RHPN2: variants seen among roughly 807,000 people sequenced by gnomAD.
RHPN2 encodes the protein rhophilin-2.
A neutral mutation model predicts 79.0 loss-of-function variants in RHPN2; 40 were observed. That is an observed-to-expected ratio of 0.51 (90% CI 0.39 to 0.66). RHPN2 has a LOEUF of 0.66. Ranked by LOEUF, RHPN2 falls within the 30% of genes least tolerant of loss-of-function variation. The pLI, the probability that RHPN2 is intolerant of heterozygous loss-of-function variation, is 0.00. For missense variants in RHPN2, 686 were observed against 883.5 expected, an observed-to-expected ratio of 0.78 and a Z score of 2.83; for synonymous variants, 285 against 363.5, an observed-to-expected ratio of 0.78 and a Z score of 2.46.
intron 9 of RHPN2, among the ~76,000 whole-genome samples, chr19:33,000,221 ATTTTT>A (rs11335915): frequency 1.5e-5 from 2 of 130,424 alleles, no homozygotes; most frequent in African/African-American, 2.9e-5. Context: ...GAGGTTCATA[ATTTTT>A]TTTTTTTTTT....
intron 1 of RHPN2, among the ~76,000 whole-genome samples, chr19:33,054,668 A>G (rs1599836760): frequency 4.6e-5 from 7 of 152,150 alleles, no homozygotes; most frequent in Admixed American, 4.6e-4. Context: ...TCTGCCAGAC[A>G]CCCAGCCTCT....
In RHPN2 at chr19:33,012,670, CA is replaced by C; in HGVS notation, c.444del (p.Ile148MetfsTer7). On this transcript the variant is annotated frameshift_variant, in exon 5 of 15. Coordinates refer to ENST00000254260, the MANE Select transcript of RHPN2 (RefSeq NM_033103.5). LOFTEE classifies it high-confidence loss of function. ...SEDGYLYEDE[I>X]ADLMDLRQAC... ...ACTTGTCTCAGATCCATAAGATCTG[CA>C]ATTTCATCTTCATATAAATAGCCAT... The C allele has an allele frequency of 6.2e-7, 1 of 1,608,396 alleles. No individual in the cohort carries two copies. The highest frequency in any genetic ancestry group is 8.5e-7 in the Non-Finnish European group (1 of 1,174,790).
intron 4 of RHPN2, among the ~76,000 whole-genome samples, chr19:33,018,776 G>A (rs189284296): frequency 1.3e-5 from 2 of 152,178 alleles, no homozygotes; most frequent in African/African-American, 4.8e-5. Flanking sequence ...CGGGAGCGGC[G>A]GCTCACACCT....
At chr19:33,016,554 G>A (rs1971879595) in intron 4 of RHPN2, among the ~76,000 whole-genome samples, 2 of 152,138 alleles carry the variant, frequency 1.3e-5, no homozygotes, top group Non-Finnish European at 1.5e-5. Context: ...GGTGGTGGGT[G>A]CCTGTAATCC....
At chr19:33,064,755 T>TGGGGGGGGCCCCCCC in intron 1 of RHPN2, 29 bp downstream of exon 1, 1 of 1,427,948 alleles carries the variant, frequency 7.0e-7, no homozygotes, top group Non-Finnish European at 9.4e-7. Flanking sequence ...AGCCCGCAGG[T>TGGGGGGGGCCCCCCC]CCCCGCCCGC....
At chr19:33,000,221 ATTT>A (rs11335915) in intron 9 of RHPN2, among the ~76,000 whole-genome samples, 17 of 130,414 alleles carry the variant, frequency 1.3e-4, no homozygotes, top group Admixed American at 1.5e-4. Context: ...GAGGTTCATA[ATTT>A]TTTTTTTTTT....
chr19:33,019,626 C>T lies in RHPN2; in HGVS notation c.390+1945G>A, dbSNP rs151023428. Among the ~76,000 whole-genome samples, 473 of 150,550 alleles carry T rather than the reference C, an allele frequency of 3.1e-3. 1 individual carries two copies. Among genetic ancestry groups the T allele is most frequent in the African/African-American group, 0.011 (435 of 40,952 alleles). On this transcript the variant is annotated intron_variant, in intron 4 of 14. Coordinates refer to ENST00000254260, the MANE Select transcript of RHPN2 (RefSeq NM_033103.5). ...GAAAAATGCAACAATTAGCCAGGCA[C>T]GGTGGCACACGCCTATAGTACCAGC... is the stretch of plus-strand genomic sequence containing the variant.
chr19:33,004,537 T>C (rs1220471339), intron 7 of RHPN2, among the ~76,000 whole-genome samples: 1 of 152,138 alleles, frequency 6.6e-6, no homozygotes, highest in Non-Finnish European at 1.5e-5. Context: ...TGTGTTATTT[T>C]ACTATAATAA....
At chr19:32,992,420 A>G (rs966732727) in intron 12 of RHPN2, among the ~76,000 whole-genome samples, 5 of 151,640 alleles carry the variant, frequency 3.3e-5, no homozygotes, top group Non-Finnish European at 7.4e-5. Context: ...CAAACTCCTG[A>G]CCTCAGGTGA....
chr19:33,045,018 C>T (rs1326804397), intron 1 of RHPN2, among the ~76,000 whole-genome samples: 1 of 152,010 alleles, frequency 6.6e-6, no homozygotes, highest in Non-Finnish European at 1.5e-5. Context: ...ACCCTTGTGA[C>T]CGCTTTCCCC....
intron 1 of RHPN2, among the ~76,000 whole-genome samples, chr19:33,045,694 G>A (rs1972137134): frequency 6.6e-6 from 1 of 152,034 alleles, no homozygotes; most frequent in Admixed American, 6.6e-5. Flanking sequence ...GGCTGGTCCT[G>A]AACTCCTAAC....
intron 10 of RHPN2, among the ~76,000 whole-genome samples, chr19:32,998,460 TAGTG>T (rs371825122): frequency 3.0e-4 from 45 of 151,948 alleles, no homozygotes; most frequent in African/African-American, 1.1e-3. Flanking sequence ...CTGGGCAACA[TAGTG>T]AGACCGCATC....
At chr19:32,994,238 A>C (rs1275022280) in intron 11 of RHPN2, among the ~76,000 whole-genome samples, 185 bp from the exon 12 acceptor site, 2 of 152,048 alleles carry the variant, frequency 1.3e-5, no homozygotes, top group Non-Finnish European at 2.9e-5. Flanking sequence ...TCTATTAAAA[A>C]TACAAAAATT....
At chr19:33,043,982 T>C (rs1283533161) in intron 2 of RHPN2, among the ~76,000 whole-genome samples, 3 of 152,050 alleles carry the variant, frequency 2.0e-5, no homozygotes, top group African/African-American at 7.2e-5. Context: ...GAGACAAAAA[T>C]TGGGCTTCCC....
In RHPN2 at chr19:32,997,301, G is replaced by A. The variant is rs1431616256; in HGVS notation, c.1226-1081C>T. 5.9e-5 allele frequency among the ~76,000 whole-genome samples: 9 copies of A among 152,298 alleles called. No homozygotes were observed. The East Asian group carries it at 1.2e-3, about 20-fold the overall frequency. ...TGCTGGGCACTAGAGATAAAGCAAC[G>A]AGTAAACAAACTGCCCCCACATTCA... is the stretch of plus-strand genomic sequence containing the variant. On this transcript the variant is annotated intron_variant, in intron 10 of 14. Coordinates refer to ENST00000254260, the MANE Select transcript of RHPN2 (RefSeq NM_033103.5).
chr19:32,983,462 G>C (rs2145997703), intron 14 of RHPN2, among the ~76,000 whole-genome samples: 1 of 151,374 alleles, frequency 6.6e-6, no homozygotes, highest in East Asian at 2.0e-4. Flanking sequence ...AGTGAGCTGA[G>C]ATAGCGCCAC....
At chr19:33,013,532 G>A (rs1971854031) in intron 4 of RHPN2, among the ~76,000 whole-genome samples, 1 of 152,076 alleles carries the variant, frequency 6.6e-6, no homozygotes, top group Admixed American at 6.6e-5. Flanking sequence ...CAGTAAAAGT[G>A]AGAGTTGAAG....
At chr19:33,027,182 G>C (rs1480762579) in intron 2 of RHPN2, 1 of 174,766 alleles carries the variant, frequency 5.7e-6, no homozygotes, top group Admixed American at 5.5e-5. Flanking sequence ...CTGGGAGATA[G>C]GGGTTGCAGT....
chr19:32,996,024 A>G lies in RHPN2; in HGVS notation c.1420+2T>C. 2 of 1,613,916 alleles carry G rather than the reference A, an allele frequency of 1.2e-6. No individual in the cohort carries two copies. The highest frequency in any genetic ancestry group is 1.7e-6 in the Non-Finnish European group (2 of 1,179,852). ...AGAGGGAACACAGTCTAGGCTACTCACCAACAACACTGGGGGCGTCGATCA... is the reference window on the plus strand; with the variant it reads ...AGAGGGAACACAGTCTAGGCTACTCGCCAACAACACTGGGGGCGTCGATCA... On this transcript the variant is annotated splice_donor_variant, in intron 11 of 14. Transcript: ENST00000254260. LOFTEE classifies it high-confidence loss of function.
Sources: gnomAD v4.1 joint callset for allele counts (sites outside exome capture counted in the v4.1 genomes callset) on GRCh38, gnomAD v4.1.1 for gene constraint, MANE v1.5 for transcripts, NCBI Gene and HGNC (gene_info 2026-07-23, HGNC 2026-07-21) for gene names.